Variants in IL31RA observed in about 807,000 individuals in gnomAD.
IL31RA encodes interleukin-31 receptor subunit alpha.
IL31RA carries 66 observed loss-of-function variants against 83.7 expected under a neutral mutation model. The observed-to-expected ratio is 0.79, with a 90% CI of 0.65 to 0.97. The LOEUF (loss-of-function observed/expected upper bound fraction) is 0.97, where lower values mean the gene tolerates loss of function less well. Ranked by LOEUF, IL31RA falls within the 50% of genes least tolerant of loss-of-function variation. The pLI, the probability that IL31RA is intolerant of heterozygous loss-of-function variation, is 0.00. For synonymous variants in IL31RA, 325 were observed against 329.0 expected, an observed-to-expected ratio of 0.99 and a Z score of 0.13; for missense variants, 798 against 919.4, an observed-to-expected ratio of 0.87 and a Z score of 1.71.
chr5:55,922,592 A>C lies in IL31RA; in HGVS notation c.*5472A>C, dbSNP rs1314927943. 1 of 607,522 alleles carries C rather than the reference A, an allele frequency of 1.6e-6. No homozygotes were observed. Among genetic ancestry groups the C allele is most frequent in the African/African-American group, 1.9e-5 (1 of 53,918 alleles). 37.6% of individuals were successfully genotyped at this position (607,522 alleles called of 1,614,324 possible). A position where few individuals can be genotyped will look rare whatever the true frequency, so the allele number is the denominator to read the frequency against. On this transcript the variant is annotated 3_prime_UTR_variant, in exon 15 of 15. Coordinates refer to ENST00000652347, the MANE Select transcript of IL31RA (RefSeq NM_139017.7). ...CCACACATGGACCACCTACGGATGC[A>C]ATCTGTAATGCATGTGCATGAGAAG...
rs35984249 is a variant in IL31RA at position 55,916,380 on chromosome 5, C to CAA, written c.1819-252_1819-251dup. Among the ~76,000 whole-genome samples, 329 of 144,738 alleles carry CAA rather than the reference C, an allele frequency of 2.3e-3. 3 individuals are homozygous for CAA. Among genetic ancestry groups the CAA allele is most frequent in the South Asian group, 2.9e-3 (13 of 4,494 alleles). 95.0% of individuals were successfully genotyped at this position (144,738 alleles called of 152,430 possible). On this transcript the variant is annotated intron_variant, in intron 14 of 14. Coordinates refer to ENST00000652347, the MANE Select transcript of IL31RA (RefSeq NM_139017.7). Reference sequence around the variant, plus strand: ...GGGCAACGGGAGTGAGACCCTGTCTCAAAAAAAAAAAAATTATATACATAT... The same window carrying CAA: ...GGGCAACGGGAGTGAGACCCTGTCTCAAAAAAAAAAAAAAATTATATACATAT...
At position 55,858,643 on chromosome 5, in the gene IL31RA, T is replaced by C. The variant is rs572248731; in HGVS notation, c.64-866T>C. ...ACCCTTTTCTTTTTTTTTTCTATAA[T>C]GATCTGGCAGATGAAAATGTAACAT... On this transcript the variant is annotated intron_variant, in intron 1 of 14. Transcript: ENST00000652347. Among the ~76,000 whole-genome samples, 3 of 152,314 alleles carry C rather than the reference T, an allele frequency of 2.0e-5. No individual in the cohort carries two copies. The East Asian group carries it at 5.8e-4, about 29-fold the overall frequency.
chr5:55,909,533 A>G (rs539767264), intron 11 of IL31RA, among the ~76,000 whole-genome samples: 7 of 152,220 alleles, frequency 4.6e-5, no homozygotes, highest in African/African-American at 1.7e-4. Context: ...TTTTACTAGC[A>G]ATGTATGAGA....
Position 55,913,548 on chromosome 5 carries a change from G to T in IL31RA, c.1714G>T (p.Ala572Ser). 1 of 1,612,648 alleles carries T rather than the reference G, an allele frequency of 6.2e-7. No individual in the cohort carries two copies. The highest frequency in any genetic ancestry group is 8.5e-7 in the Non-Finnish European group (1 of 1,178,704). The stretch of plus-strand genomic sequence containing the variant: ...TCTTATTCTCATTATCCTGACAGTG[G>T]CATATGGTCTCAAAAAACCCAAGTG... ...GLLILIILTV[A>S]YGLKKPNKLT... is the part of the protein sequence containing the mutation. Residue 572 changes from alanine (A) to serine (S), a missense_variant, in exon 13 of 15, where the codon GCA becomes TCA. Ala to Ser is a moderately conservative substitution (Grantham distance 99). Transcript: ENST00000652347.
chr5:55,908,615 G>A (rs1327496236), intron 11 of IL31RA: 1 of 1,549,938 alleles, frequency 6.5e-7, no homozygotes, highest in East Asian at 2.4e-5. Context: ...TGAAGTGACA[G>A]TACCTGAGAG....
At chr5:55,853,655 A>G in intron 1 of IL31RA, 1 of 1,392,912 alleles carries the variant, frequency 7.2e-7, no homozygotes, top group Non-Finnish European at 9.9e-7. Context: ...CAGTGAAATT[A>G]TGGGTCAGAC....
intron 2 of IL31RA, among the ~76,000 whole-genome samples, chr5:55,864,444 A>G (rs1429969762): frequency 1.3e-5 from 2 of 150,464 alleles, no homozygotes; most frequent in Non-Finnish European, 3.0e-5. Flanking sequence ...CTACACACAC[A>G]CACCACACAT....
Position 55,917,725 on chromosome 5 carries a change from C to T in IL31RA, c.*605C>T, listed in dbSNP as rs1749871188. On this transcript the variant is annotated 3_prime_UTR_variant, in exon 15 of 15. Coordinates refer to ENST00000652347, the MANE Select transcript of IL31RA (RefSeq NM_139017.7). ...CTCAAGTGCCTGTAGCAACACCGCA[C>T]CTGAGAATCCTCACCCCCAATTTAG... 6.6e-6 allele frequency among the ~76,000 whole-genome samples: 1 copy of T among 152,144 alleles called. No individual in the cohort carries two copies. The highest frequency in any genetic ancestry group is 1.5e-5 in the Non-Finnish European group (1 of 68,036).
In IL31RA at chr5:55,922,075, G is replaced by A. The variant is rs1750120202; in HGVS notation, c.*4955G>A. Among the ~76,000 whole-genome samples, 1 of 127,938 alleles carries A rather than the reference G, an allele frequency of 7.8e-6. No individual in the cohort carries two copies. The highest frequency in any genetic ancestry group is 1.6e-5 in the Non-Finnish European group (1 of 62,584). 83.9% of individuals were successfully genotyped at this position (127,938 alleles called of 152,430 possible). ...GTGGCGGGGGGGGGGGGCGGTTCCT[G>A]AAGAGTGGAGTGTGACTAAGGATAA... On this transcript the variant is annotated 3_prime_UTR_variant, in exon 15 of 15. Transcript: ENST00000652347.
At position 55,886,268 on chromosome 5, in the gene IL31RA, C is replaced by CTTGCTTTTTTTTTTTTTTTTTTT. The variant is rs1235138364; in HGVS notation, c.606+3075_606+3076insGCTTTTTTTTTTTTTTTTTTTTT. The stretch of plus-strand genomic sequence containing the variant: ...GCTAGCTTGCTTGCTTGCTTGCTTG[C>CTTGCTTTTTTTTTTTTTTTTTTT]TTTTTTTTTTTTTTTTTTTTTTTGA... On this transcript the variant is annotated intron_variant, in intron 5 of 14. Coordinates refer to ENST00000652347, the MANE Select transcript of IL31RA (RefSeq NM_139017.7). Among the ~76,000 whole-genome samples, 12 of 71,502 alleles carry CTTGCTTTTTTTTTTTTTTTTTTT rather than the reference C, an allele frequency of 1.7e-4. 1 individual carries two copies. The highest frequency in any genetic ancestry group is 4.4e-4 in the African/African-American group (6 of 13,716). 46.9% of individuals were successfully genotyped at this position (71,502 alleles called of 152,430 possible). A position where few individuals can be genotyped will look rare whatever the true frequency, so the allele number is the denominator to read the frequency against.
chr5:55,910,424 C>A, intron 11 of IL31RA, 108 bp from the exon 12 acceptor site: 1 of 1,232,156 alleles, frequency 8.1e-7, no homozygotes, highest in Non-Finnish European at 1.2e-6. Flanking sequence ...GAATATGAGA[C>A]AGCTGAGCTT....
chr5:55,847,285 A>G (rs1251593239), upstream of IL31RA, among the ~76,000 whole-genome samples: 1 of 149,046 alleles, frequency 6.7e-6, no homozygotes, highest in African/African-American at 2.5e-5. Context: ...ATAAATAAAT[A>G]AAAAGAAAAG....
chr5:55,855,134 C>G (rs1337048442), intron 1 of IL31RA, among the ~76,000 whole-genome samples: 1 of 151,910 alleles, frequency 6.6e-6, no homozygotes, highest in African/African-American at 2.4e-5. Context: ...AAGTTACTCC[C>G]TCTTCTTTGC....
chr5:55,907,305 C>T, intron 9 of IL31RA, 54 bp from the exon 10 acceptor site: 2 of 1,019,518 alleles, frequency 2.0e-6, no homozygotes, highest in South Asian at 1.3e-5. Flanking sequence ...GTCTAGTATT[C>T]CCCCCACTCT....
At position 55,917,442 on chromosome 5, in the gene IL31RA, G is replaced by C. The variant is rs1749856249; in HGVS notation, c.*322G>C. Reference sequence around the variant, plus strand: ...GGTTCTGAGCCCAAAGGACCCCCAGGGTGGACATATCTGGCCTCCCAGGAA... The same window carrying C: ...GGTTCTGAGCCCAAAGGACCCCCAGCGTGGACATATCTGGCCTCCCAGGAA... On this transcript the variant is annotated 3_prime_UTR_variant, in exon 15 of 15. Transcript: ENST00000652347. The C allele has an allele frequency of 5.6e-6, 4 of 717,172 alleles. No homozygotes were observed. The South Asian group carries it at 9.3e-5, about 17-fold the overall frequency. 44.4% of individuals were successfully genotyped at this position (717,172 alleles called of 1,614,324 possible).
At chr5:55,898,602 AT>A (rs1254227537) in intron 7 of IL31RA, among the ~76,000 whole-genome samples, 24 of 121,992 alleles carry the variant, frequency 2.0e-4, no homozygotes, top group African/African-American at 4.5e-4. Flanking sequence ...TTAATATGTT[AT>A]TTTAAAAAGA....
chr5:55,913,327 G>A, intron 12 of IL31RA, 150 bp from the exon 13 acceptor site: 1 of 673,042 alleles, frequency 1.5e-6, no homozygotes, highest in South Asian at 1.7e-5. Context: ...CCTGACCTGG[G>A]GTTTTTTTAG....
In IL31RA at chr5:55,901,667, G is replaced by A. The variant is rs1212285625; in HGVS notation, c.1069+1535G>A. Among the ~76,000 whole-genome samples the A allele has an allele frequency of 2.0e-5, 3 of 151,552 alleles. No individual in the cohort carries two copies. The East Asian group carries it at 5.8e-4, about 29-fold the overall frequency. ...TTTCGCTCTTGTTGCCCAGGCTGGA[G>A]TGCAATGGTGTGATCTCAGCTCACC... On this transcript the variant is annotated intron_variant, in intron 8 of 14. Coordinates refer to ENST00000652347, the MANE Select transcript of IL31RA (RefSeq NM_139017.7).
chr5:55,850,082 T>C (rs1182298500), upstream of IL31RA, among the ~76,000 whole-genome samples: 1 of 152,250 alleles, frequency 6.6e-6, no homozygotes, highest in African/African-American at 2.4e-5. Flanking sequence ...TGTTATTAAG[T>C]CTAAAGCCAT....
Sources: gnomAD v4.1 joint callset for allele counts (sites outside exome capture counted in the v4.1 genomes callset) on GRCh38, gnomAD v4.1.1 for gene constraint, MANE v1.5 for transcripts, NCBI Gene and HGNC (gene_info 2026-07-23, HGNC 2026-07-21) for gene names.